SYN3: variants seen among roughly 807,000 people sequenced by gnomAD.
SYN3 encodes synapsin III.
SYN3 carries 35 observed loss-of-function variants against 65.8 expected under a neutral mutation model. That is an observed-to-expected ratio of 0.53 (90% CI 0.41 to 0.70). SYN3 has a LOEUF of 0.70. Among genes scored for constraint, SYN3 ranks in the 30% least tolerant of loss-of-function variants. SYN3 has a pLI of 0.00. For missense variants in SYN3, 680 were observed against 749.0 expected (o/e 0.91, Z 1.08); for synonymous variants, 270 against 292.9 (o/e 0.92, Z 0.80).
At chr22:32,594,384 G>A (rs1413156426) in intron 7 of SYN3, among the ~76,000 whole-genome samples, 2 of 152,196 alleles carry the variant, frequency 1.3e-5, no homozygotes, top group Non-Finnish European at 2.9e-5. Flanking sequence ...GACTGATGAG[G>A]AAACCAAGAG....
At chr22:32,739,376 CT>C (rs3070577) in intron 6 of SYN3, among the ~76,000 whole-genome samples, 131,335 of 139,004 alleles carry the variant, frequency 0.94, 62,078 homozygotes, top group South Asian at 0.98. Context: ...TAAACCCCCC[CT>C]TTTTTTTTTT....
intron 3 of SYN3, among the ~76,000 whole-genome samples, chr22:32,978,038 G>T (rs1396355820): frequency 6.6e-6 from 1 of 152,194 alleles, no homozygotes; most frequent in Non-Finnish European, 1.5e-5. Flanking sequence ...ACTCAGAGAA[G>T]GAGTCTTTGA....
chr22:32,962,801 C>CATCTATCTATCT (rs56349346), intron 3 of SYN3, among the ~76,000 whole-genome samples: 65 of 146,572 alleles, frequency 4.4e-4, no homozygotes, highest in Middle Eastern at 3.5e-3. Flanking sequence ...AGAGTATCGG[C>CATCTATCTATCT]ATCTATCTAT....
At chr22:32,551,296 C>A (rs1474957459) in intron 7 of SYN3, among the ~76,000 whole-genome samples, 1 of 152,162 alleles carries the variant, frequency 6.6e-6, no homozygotes, top group East Asian at 1.9e-4. Context: ...AACAGAGAGA[C>A]TTGCCAGTCA....
intron 6 of SYN3, among the ~76,000 whole-genome samples, chr22:32,672,932 TG>T (rs1405171528): frequency 6.6e-6 from 1 of 152,198 alleles, no homozygotes; most frequent in Non-Finnish European, 1.5e-5. Context: ...GACACTGATG[TG>T]GGCAGAAAGA....
At chr22:32,818,135 A>C (rs866533042) in intron 6 of SYN3, among the ~76,000 whole-genome samples, 2 of 152,362 alleles carry the variant, frequency 1.3e-5, no homozygotes, top group South Asian at 4.1e-4. Flanking sequence ...AACCTAACTT[A>C]GTCTGAAATT....
intron 2 of SYN3, among the ~76,000 whole-genome samples, chr22:32,999,283 TG>T (rs1267198887): frequency 6.6e-6 from 1 of 152,146 alleles, no homozygotes; most frequent in Middle Eastern, 3.2e-3. Flanking sequence ...AATGGAAACT[TG>T]CCAGGTGTAC....
chr22:32,901,650 G>A (rs963263764), intron 4 of SYN3, among the ~76,000 whole-genome samples: 1 of 151,804 alleles, frequency 6.6e-6, no homozygotes, highest in Admixed American at 6.6e-5. Context: ...TGTTTTACAG[G>A]TTTTAGTTTC....
chr22:32,959,767 A>T (rs183713406), intron 3 of SYN3, among the ~76,000 whole-genome samples: 141 of 152,024 alleles, frequency 9.3e-4, no homozygotes, highest in Non-Finnish European at 1.6e-3. Flanking sequence ...GCTAATTTTT[A>T]AAATTTTTTT....
chr22:32,910,394 G>C (rs1184477969), intron 4 of SYN3, among the ~76,000 whole-genome samples: 1 of 152,122 alleles, frequency 6.6e-6, no homozygotes, highest in African/African-American at 2.4e-5. Context: ...CGCCTCTGTG[G>C]AACAGGGTTC....
chr22:32,818,564 A>G (rs1569248597), intron 6 of SYN3, among the ~76,000 whole-genome samples: 1 of 152,104 alleles, frequency 6.6e-6, no homozygotes, highest in Non-Finnish European at 1.5e-5. Context: ...TTAAAGGAGG[A>G]AAGGAAACAG....
At chr22:32,692,853 T>G (rs1251979408) in intron 6 of SYN3, among the ~76,000 whole-genome samples, 1 of 152,224 alleles carries the variant, frequency 6.6e-6, no homozygotes, top group Non-Finnish European at 1.5e-5. Flanking sequence ...CTACATGTTT[T>G]CGGCATAAAG....
intron 6 of SYN3, among the ~76,000 whole-genome samples, chr22:32,657,925 C>T (rs1358105396): frequency 1.3e-5 from 2 of 152,190 alleles, no homozygotes; most frequent in African/African-American, 4.8e-5. Flanking sequence ...TTCTCTTTCC[C>T]CTCCTGTCTT....
Position 32,907,734 on chromosome 22 carries a change from A to G in SYN3, c.461+23656T>C, listed in dbSNP as rs528123101. ...AACAATAAAGAAGAAAATACTAAAA[A>G]CCTTGCTCTAATGGAGCTTACGTAA... On this transcript the variant is annotated intron_variant, in intron 4 of 13. Transcript: ENST00000358763. Among the ~76,000 whole-genome samples the G allele has an allele frequency of 3.3e-5, 5 of 152,304 alleles. No individual in the cohort carries two copies. In the East Asian group the frequency reaches 9.6e-4, roughly 29 times the overall value.
chr22:33,021,902 C>T (rs1284810460), intron 1 of SYN3, among the ~76,000 whole-genome samples: 2 of 151,668 alleles, frequency 1.3e-5, no homozygotes, highest in East Asian at 3.9e-4. Context: ...CACCTAGAAA[C>T]AGTGCCTAGC....
At chr22:32,893,124 G>A (rs551990239) in intron 4 of SYN3, among the ~76,000 whole-genome samples, 32 of 152,234 alleles carry the variant, frequency 2.1e-4, no homozygotes, top group African/African-American at 7.0e-4. Context: ...TTCTAGTCTC[G>A]CTCTCACTTT....
At chr22:32,999,396 AG>A (rs2145763317) in intron 2 of SYN3, among the ~76,000 whole-genome samples, 1 of 152,310 alleles carries the variant, frequency 6.6e-6, no homozygotes, top group African/African-American at 2.4e-5. Flanking sequence ...CAGAATAAAC[AG>A]GACAGGGCCA....
intron 6 of SYN3, among the ~76,000 whole-genome samples, chr22:32,616,743 C>T (rs1601767917): frequency 6.6e-6 from 1 of 152,118 alleles, no homozygotes; most frequent in East Asian, 1.9e-4. Flanking sequence ...TATCAACATT[C>T]AGGAGAATTA....
chr22:32,935,931 A>G (rs994606262), intron 3 of SYN3, among the ~76,000 whole-genome samples: 3 of 152,248 alleles, frequency 2.0e-5, no homozygotes, highest in African/African-American at 7.2e-5. Context: ...AATAATATCT[A>G]TCTTTAAATG....
Sources: gnomAD v4.1 joint callset for allele counts (sites outside exome capture counted in the v4.1 genomes callset) on GRCh38, gnomAD v4.1.1 for gene constraint, MANE v1.5 for transcripts, NCBI Gene and HGNC (gene_info 2026-07-23, HGNC 2026-07-21) for gene names.